The following NRXN2 variants were observed in gnomAD, a reference collection of about 807,000 sequenced individuals.
The protein encoded by NRXN2 is neurexin-2-beta.
In NRXN2, 29 loss-of-function variants were observed where a neutral mutation model predicts 128.8. The ratio of observed to expected loss-of-function variants is 0.23; its 90% CI spans 0.17 to 0.31. The LOEUF is 0.31. Ranked by LOEUF, NRXN2 falls within the 10% of genes least tolerant of loss-of-function variation. The pLI is 1.00. For synonymous variants in NRXN2, 1,098 were observed against 1,075.2 expected (o/e 1.02, Z -0.41); for missense variants, 1,881 against 2,452.6 (o/e 0.77, Z 4.92).
At chr11:64,665,544 G>A (rs1286693976) in intron 9 of NRXN2, among the ~76,000 whole-genome samples, 1 of 152,358 alleles carries the variant, frequency 6.6e-6, no homozygotes, top group East Asian at 1.9e-4. Context: ...TCCTGGTGCT[G>A]TCCTGAGACA....
At chr11:64,661,509 G>T in intron 9 of NRXN2, 1 of 684,368 alleles carries the variant, frequency 1.5e-6, no homozygotes, top group Non-Finnish European at 2.0e-6. Flanking sequence ...CTGCCAGCCA[G>T]TTCCTTAGAC....
In NRXN2 at chr11:64,651,497, G is replaced by A; in HGVS notation, c.2676C>T (p.Tyr892=). The A allele has an allele frequency of 3.7e-6, 6 of 1,614,188 alleles. No individual in the cohort carries two copies. The highest frequency in any genetic ancestry group is 5.1e-6 in the Non-Finnish European group (6 of 1,180,020). The part of the protein sequence containing the change: ...LSGLVFNGQP[Y]MDQCKDGDIT... ...TGTCACCATCCTTGCACTGGTCCAT[G>A]TAGGGCTGGCCATTGAACACGAGCC... Residue 892 remains tyrosine, a synonymous_variant, in exon 14 of 23, where the codon TAC becomes TAT. Coordinates refer to ENST00000265459, the MANE Select transcript of NRXN2 (RefSeq NM_015080.4). The surrounding 1 kb of genome is among the most constrained non-coding windows in gnomAD (Gnocchi z 5.9).
chr11:64,719,610 T>TGGGCTGGGGACAGAGGTG (rs1489766773), intron 1 of NRXN2, among the ~76,000 whole-genome samples: 2 of 151,118 alleles, frequency 1.3e-5, no homozygotes, highest in Non-Finnish European at 3.0e-5. Flanking sequence ...GGGAAGCGGG[T>TGGGCTGGGGACAGAGGTG]GGGCTGGGGA....
intron 6 of NRXN2, among the ~76,000 whole-genome samples, chr11:64,677,292 A>G (rs2051469024): frequency 6.6e-6 from 1 of 152,136 alleles, no homozygotes; most frequent in Admixed American, 6.5e-5. Flanking sequence ...ACACAGAAAA[A>G]TTAAGTCCTT....
chr11:64,649,817 C>G (rs995696701), intron 15 of NRXN2, among the ~76,000 whole-genome samples: 1 of 152,142 alleles, frequency 6.6e-6, no homozygotes, highest in African/African-American at 2.4e-5. Context: ...TCTGGAGAAG[C>G]TGCATCTTTC....
rs1014255552 is a variant in NRXN2 at position 64,694,297 on chromosome 11, C to A, written c.749-1421G>T. Among the ~76,000 whole-genome samples, 3 of 152,202 alleles carry A rather than the reference C, an allele frequency of 2.0e-5. No individual in the cohort carries two copies. In the East Asian group the frequency reaches 5.8e-4, roughly 29 times the overall value. On this transcript the variant is annotated intron_variant, in intron 3 of 22. Coordinates refer to ENST00000265459, the MANE Select transcript of NRXN2 (RefSeq NM_015080.4). ...TTGGAAACCAGCCCCACTGCTGTGG[C>A]AATGAGATGTGAACCCTAGGGATAG...
At chr11:64,653,782 T>G (rs1408647456) in intron 11 of NRXN2, 60 bp from the exon 12 acceptor site, 8 of 1,328,562 alleles carry the variant, frequency 6.0e-6, no homozygotes, top group African/African-American at 2.9e-5. Flanking sequence ...AACAAGTTTT[T>G]TTTTTTTTTA....
In NRXN2 at chr11:64,692,853, T is replaced by C; in HGVS notation, c.772A>G (p.Ser258Gly). Residue 258 changes from serine (S) to glycine (G), a missense_variant, in exon 4 of 23, where the codon AGC (serine) becomes GGC (glycine). By Grantham distance (56) the Ser-to-Gly change is moderately conservative. This residue lies in a region of NRXN2 where 997 missense variants were observed against 1,240.8 expected (regional missense o/e 0.80). Coordinates refer to ENST00000265459, the MANE Select transcript of NRXN2 (RefSeq NM_015080.4). ...MEGPAHLTLNSEVGSLLFSEG... is the reference protein window; with the variant it reads ...MEGPAHLTLNGEVGSLLFSEG... ...CCAAAACTTCAAACCATACCTTCGCTGTTTAACGTCAGGTGAGCCGGACCT... is the reference window on the plus strand; with the variant it reads ...CCAAAACTTCAAACCATACCTTCGCCGTTTAACGTCAGGTGAGCCGGACCT... 6.2e-7 allele frequency: 1 copy of C among 1,612,574 alleles called. No homozygotes were observed.
intron 2 of NRXN2, among the ~76,000 whole-genome samples, chr11:64,711,375 G>T (rs2056868576): frequency 6.6e-6 from 1 of 152,350 alleles, no homozygotes; most frequent in South Asian, 2.1e-4. Flanking sequence ...ACAGGGACGA[G>T]GGGCGGGGAG....
At chr11:64,627,600 C>T (rs1160523907) in intron 19 of NRXN2, among the ~76,000 whole-genome samples, 5 of 152,016 alleles carry the variant, frequency 3.3e-5, no homozygotes, top group Non-Finnish European at 7.4e-5. Flanking sequence ...CTGTTCCTCT[C>T]TGCGCTCACC....
intron 8 of NRXN2, among the ~76,000 whole-genome samples, chr11:64,668,150 T>C (rs1347764430): frequency 2.0e-5 from 3 of 151,986 alleles, no homozygotes; most frequent in African/African-American, 4.8e-5. Context: ...AGTGGAAGAG[T>C]TGGGACTCAA....
At chr11:64,647,690 A>G (rs995413112) in intron 17 of NRXN2, among the ~76,000 whole-genome samples, 1 of 152,242 alleles carries the variant, frequency 6.6e-6, no homozygotes, top group African/African-American at 2.4e-5. Context: ...CCAGCTGTCC[A>G]GCAGCCTGGC....
chr11:64,695,551 C>T (rs932853569), intron 3 of NRXN2, among the ~76,000 whole-genome samples: 1 of 152,066 alleles, frequency 6.6e-6, no homozygotes, highest in Non-Finnish European at 1.5e-5. Flanking sequence ...ACCTGCTAAA[C>T]CCACCTCCCC....
At chr11:64,650,378 T>TG in intron 15 of NRXN2, 70 bp downstream of exon 15, 6 of 1,505,266 alleles carry the variant, frequency 4.0e-6, no homozygotes, top group Non-Finnish European at 5.5e-6. Flanking sequence ...GTCGCAGGAA[T>TG]GGGGTGATCT....
At chr11:64,722,763 C>G (rs2057467191) in intron 1 of NRXN2, among the ~76,000 whole-genome samples, 1 of 151,134 alleles carries the variant, frequency 6.6e-6, no homozygotes, top group African/African-American at 2.4e-5. Context: ...CTCTCAGGGC[C>G]AGTGCCCCTT....
chr11:64,662,462 C>G (rs1213460299), intron 9 of NRXN2, among the ~76,000 whole-genome samples: 1 of 152,160 alleles, frequency 6.6e-6, no homozygotes, highest in East Asian at 1.9e-4. Flanking sequence ...TTCCTCTGTC[C>G]TTTTTCAAGT....
At chr11:64,618,553 G>C (rs1311803328) in intron 22 of NRXN2, among the ~76,000 whole-genome samples, 1 of 152,194 alleles carries the variant, frequency 6.6e-6, no homozygotes, top group South Asian at 2.1e-4. Flanking sequence ...TGCTGTGTTG[G>C]CCACAGGAGC....
At chr11:64,708,962 C>A (rs748405114) in intron 2 of NRXN2, among the ~76,000 whole-genome samples, 2 of 152,032 alleles carry the variant, frequency 1.3e-5, no homozygotes, top group African/African-American at 4.8e-5. Flanking sequence ...GAGGCCAATG[C>A]GGGCGGATCA....
chr11:64,626,713 C>T (rs1177465828), intron 19 of NRXN2, among the ~76,000 whole-genome samples, 161 bp from the exon 20 acceptor site: 1 of 152,138 alleles, frequency 6.6e-6, no homozygotes, highest in Non-Finnish European at 1.5e-5. Flanking sequence ...TTTCCCTTGA[C>T]CCCCTCCCTA....
Sources: gnomAD v4.1 joint callset for allele counts (sites outside exome capture counted in the v4.1 genomes callset) on GRCh38, gnomAD v4.1.1 for gene constraint, gnomAD v4.1.1 regional missense constraint, Gnocchi (gnomAD v3.1) non-coding constraint, MANE v1.5 for transcripts, NCBI Gene and HGNC (gene_info 2026-07-23, HGNC 2026-07-21) for gene names.